Variants in CCNH observed in about 807,000 individuals in gnomAD.
CCNH encodes cyclin-H.
Under a neutral mutation model 41.9 loss-of-function variants are expected in CCNH, and 31 were observed. That is an observed-to-expected ratio of 0.74 (90% CI 0.56 to 1.00). The LOEUF (loss-of-function observed/expected upper bound fraction) is 1.00, where lower values mean the gene tolerates loss of function less well. Ranked by LOEUF, CCNH falls within the 50% of genes least tolerant of loss-of-function variation. The probability of loss-of-function intolerance (pLI) is 0.00; values close to 1 mark genes in which losing one functional copy is unlikely to be tolerated. For missense variants in CCNH, 362 were observed against 388.4 expected, an observed-to-expected ratio of 0.93 and a Z score of 0.57; for synonymous variants, 138 against 136.1, an observed-to-expected ratio of 1.01 and a Z score of -0.10.
intron 9 of CCNH, among the ~76,000 whole-genome samples, chr5:87,324,609 GAACT>G (rs1198328054): frequency 2.0e-5 from 3 of 152,076 alleles, no homozygotes; most frequent in Non-Finnish European, 2.9e-5. Flanking sequence ...CCCTTACTTT[GAACT>G]AACTTGATCT....
At chr5:87,370,352 G>A (rs1187276176) in intron 9 of CCNH, among the ~76,000 whole-genome samples, 1 of 152,186 alleles carries the variant, frequency 6.6e-6, no homozygotes, top group African/African-American at 2.4e-5. Flanking sequence ...GCCAAGTCGA[G>A]ATATAATGTC....
intron 9 of CCNH, among the ~76,000 whole-genome samples, chr5:87,358,253 T>C (rs1362550308): frequency 6.6e-6 from 1 of 152,158 alleles, no homozygotes; most frequent in Non-Finnish European, 1.5e-5. Flanking sequence ...AAAAGGGTCC[T>C]TTTGAGACAA....
chr5:87,352,409 G>A (rs944682631), intron 9 of CCNH, among the ~76,000 whole-genome samples: 2 of 151,450 alleles, frequency 1.3e-5, no homozygotes, highest in African/African-American at 4.8e-5. Context: ...CATTTGTCCA[G>A]TATATTAAAG....
At chr5:87,371,172 T>C (rs1760913150) in intron 9 of CCNH, among the ~76,000 whole-genome samples, 1 of 152,168 alleles carries the variant, frequency 6.6e-6, no homozygotes, top group African/African-American at 2.4e-5. Flanking sequence ...AAGCCTAACA[T>C]AGAACATTTT....
At chr5:87,395,002 T>A in intron 8 of CCNH, 42 bp downstream of exon 8, 1 of 1,611,844 alleles carries the variant, frequency 6.2e-7, no homozygotes, top group Non-Finnish European at 8.5e-7. Context: ...CCAGAATGTA[T>A]AACAAAAATA....
the CCNH span, among the ~76,000 whole-genome samples, chr5:87,313,317 G>A: frequency 6.6e-6 from 1 of 152,166 alleles, no homozygotes; most frequent in South Asian, 2.1e-4. Flanking sequence ...TCCTTGAAGG[G>A]AAGAGTGATA....
intron 9 of CCNH, chr5:87,353,207 A>G: frequency 6.2e-7 from 1 of 1,609,874 alleles, no homozygotes; most frequent in Non-Finnish European, 8.5e-7. Context: ...GTTGAAGGAT[A>G]TTATCTTAAG....
chr5:87,390,713 GAT>G, downstream of CCNH: 1 of 1,075,526 alleles, frequency 9.3e-7, no homozygotes, highest in South Asian at 1.3e-5. Context: ...CTTTTGCTTT[GAT>G]ACAGTTTTTT....
downstream of CCNH, chr5:87,372,201 G>A: frequency 6.2e-7 from 1 of 1,612,268 alleles, no homozygotes. Context: ...GTCAGGTGAA[G>A]CTTAATTTTC....
intron 9 of CCNH, among the ~76,000 whole-genome samples, chr5:87,365,026 C>T (rs1170145815): frequency 6.6e-6 from 1 of 151,968 alleles, no homozygotes; most frequent in East Asian, 1.9e-4. Flanking sequence ...AGTTTATTAT[C>T]GTGAAAACAG....
At chr5:87,364,937 A>G (rs1760393576) in intron 9 of CCNH, among the ~76,000 whole-genome samples, 1 of 152,188 alleles carries the variant, frequency 6.6e-6, no homozygotes, top group Non-Finnish European at 1.5e-5. Flanking sequence ...GATCTCACCC[A>G]AATAGTGAGG....
Position 87,363,596 on chromosome 5 carries a change from A to T in CCNH, c.*90+29174T>A, listed in dbSNP as rs573915396. On this transcript the variant is annotated intron_variant and NMD_transcript_variant, in intron 9 of 9. Coordinates refer to the CCNH transcript ENST00000645953. ...AACCAATTTTGAGAGCCCTAAAATCATCTTCTAAAAGTAGCAGATGCACTT... is the reference window on the plus strand; with the variant it reads ...AACCAATTTTGAGAGCCCTAAAATCTTCTTCTAAAAGTAGCAGATGCACTT... 12 of 1,423,440 alleles carry T rather than the reference A, an allele frequency of 8.4e-6. No homozygotes were observed. In the East Asian group the frequency reaches 2.1e-4, roughly 25 times the overall value. 88.2% of individuals were successfully genotyped at this position (1,423,440 alleles called of 1,614,324 possible).
intron 9 of CCNH, chr5:87,333,297 A>G (rs1222731120): frequency 6.2e-7 from 1 of 1,613,216 alleles, no homozygotes. Context: ...TGTACGAGCT[A>G]TTCTACCTTA....
chr5:87,317,776 C>T (rs1756453546), downstream of CCNH, among the ~76,000 whole-genome samples: 1 of 151,990 alleles, frequency 6.6e-6, no homozygotes, highest in Admixed American at 6.6e-5. Context: ...GCTGTGATTA[C>T]AGGCGCATAC....
intron 9 of CCNH, among the ~76,000 whole-genome samples, chr5:87,319,298 C>T (rs537744014): frequency 6.6e-6 from 1 of 152,344 alleles, no homozygotes; most frequent in Admixed American, 6.5e-5. Context: ...AGGCAGTGCC[C>T]TAGTGGAGAC....
At chr5:87,374,668 G>T (rs1968674), downstream of CCNH, among the ~76,000 whole-genome samples, 2 of 151,364 alleles carry the variant, frequency 1.3e-5, no homozygotes, top group African/African-American at 4.8e-5. Context: ...TGTAATCTGC[G>T]TGTCTTCTGT....
At chr5:87,328,208 A>C (rs963998937) in intron 9 of CCNH, among the ~76,000 whole-genome samples, 2 of 152,308 alleles carry the variant, frequency 1.3e-5, no homozygotes, top group Non-Finnish European at 2.9e-5. Flanking sequence ...GATAAACTTT[A>C]ACTTAGATGA....
chr5:87,402,506 TTAAA>T (rs555645042), intron 5 of CCNH, among the ~76,000 whole-genome samples: 231 of 152,316 alleles, frequency 1.5e-3, no homozygotes, highest in Admixed American at 4.0e-3. Context: ...TCTCAAAATG[TTAAA>T]TAGTTTTTCA....
At chr5:87,326,177 G>C (rs1757217982) in intron 9 of CCNH, among the ~76,000 whole-genome samples, 1 of 152,216 alleles carries the variant, frequency 6.6e-6, no homozygotes, top group African/African-American at 2.4e-5. Flanking sequence ...TTGCCATATT[G>C]CCTGGGTTGG....
Sources: gnomAD v4.1 joint callset for allele counts (sites outside exome capture counted in the v4.1 genomes callset) on GRCh38, gnomAD v4.1.1 for gene constraint, MANE v1.5 for transcripts, NCBI Gene and HGNC (gene_info 2026-07-23, HGNC 2026-07-21) for gene names.